The following CNTN5 variants were observed in gnomAD, a reference collection of about 807,000 sequenced individuals.
CNTN5 encodes contactin 5.
CNTN5 carries 77 observed loss-of-function variants against 129.1 expected under a neutral mutation model. The observed-to-expected ratio is 0.60, with a 90% confidence interval of 0.50 to 0.72. The LOEUF (loss-of-function observed/expected upper bound fraction) is 0.72, where lower values mean the gene tolerates loss of function less well. Ranked by LOEUF, CNTN5 falls within the 30% of genes least tolerant of loss-of-function variation. The pLI, the probability that CNTN5 is intolerant of heterozygous loss-of-function variation, is 0.00. For synonymous variants in CNTN5, 509 were observed against 465.6 expected, an observed-to-expected ratio of 1.09 and a Z score of -1.20; for missense variants, 1,478 against 1,328.8, an observed-to-expected ratio of 1.11 and a Z score of -1.75.
chr11:99,218,505 A>T (rs550567238), intron 1 of CNTN5, among the ~76,000 whole-genome samples: 1 of 152,256 alleles, frequency 6.6e-6, no homozygotes, highest in East Asian at 1.9e-4. Context: ...AAACGAGGAC[A>T]CTTTAGAATG....
chr11:99,382,795 A>G (rs1003463259), intron 2 of CNTN5, among the ~76,000 whole-genome samples: 1 of 147,350 alleles, frequency 6.8e-6, no homozygotes, highest in African/African-American at 2.5e-5. Context: ...TCATTCGCAC[A>G]CAAGTCAGAG....
intron 2 of CNTN5, among the ~76,000 whole-genome samples, chr11:99,524,007 CT>C (rs1947390922): frequency 6.6e-6 from 1 of 151,898 alleles, no homozygotes; most frequent in African/African-American, 2.4e-5. Context: ...GAAGGACTTT[CT>C]TTTTTTTCTG....
rs139918622 is a variant in CNTN5, at chr11:100,284,739, T to C, written c.2315-12886T>C. On this transcript the variant is annotated intron_variant, in intron 18 of 24. Coordinates refer to ENST00000524871, the MANE Select transcript of CNTN5 (RefSeq NM_014361.4). ...ATTCAGAAAGGTCTGATCTTCTCTG[T>C]AGTATAAAATTTCAATTATCTTCAA... Among the ~76,000 whole-genome samples, 128 of 152,332 alleles carry C rather than the reference T, an allele frequency of 8.4e-4. 1 individual carries two copies. The highest frequency in any genetic ancestry group is 1.4e-3 in the Non-Finnish European group (98 of 68,030).
chr11:100,209,832 T>C (rs2138582144), intron 15 of CNTN5, among the ~76,000 whole-genome samples: 1 of 152,304 alleles, frequency 6.6e-6, no homozygotes, highest in Admixed American at 6.5e-5. Flanking sequence ...AATGAATTCA[T>C]AGGCTCTTTT....
intron 9 of CNTN5, among the ~76,000 whole-genome samples, chr11:100,042,393 C>A (rs1317781806): frequency 6.6e-6 from 1 of 151,758 alleles, no homozygotes; most frequent in African/African-American, 2.4e-5. Flanking sequence ...TTGTGCAAGT[C>A]ACAAAGGAGC....
At chr11:100,329,769 A>G (rs915016482) in intron 21 of CNTN5, among the ~76,000 whole-genome samples, 1 of 152,230 alleles carries the variant, frequency 6.6e-6, no homozygotes, top group Non-Finnish European at 1.5e-5. Context: ...ATTGCTAGGG[A>G]AAGGGAGAGA....
chr11:100,210,296 G>C (rs561337480), intron 15 of CNTN5, among the ~76,000 whole-genome samples: 16 of 143,888 alleles, frequency 1.1e-4, no homozygotes, highest in African/African-American at 4.1e-4. Flanking sequence ...GTTGCCGTGA[G>C]CCAAGAACCT....
At chr11:99,285,899 G>A (rs1419213468) in intron 1 of CNTN5, among the ~76,000 whole-genome samples, 1 of 151,918 alleles carries the variant, frequency 6.6e-6, no homozygotes, top group East Asian at 1.9e-4. Context: ...TTAGCCAGGT[G>A]TGGTGGTGGG....
chr11:100,329,872 G>A (rs1951868731), intron 21 of CNTN5, among the ~76,000 whole-genome samples: 1 of 152,126 alleles, frequency 6.6e-6, no homozygotes, highest in South Asian at 2.1e-4. Context: ...CTACCCAAAT[G>A]AGAAAGACCC....
rs1023345004 is a variant in CNTN5, at chr11:99,082,006, A to G, written c.-210+60736A>G. On this transcript the variant is annotated intron_variant, in intron 1 of 24. Transcript: ENST00000524871. ...TAATGAACTAACTACAACATAAAAGAGAAACAAATGTTTGCAATTCTAAAC... is the reference window on the plus strand; with the variant it reads ...TAATGAACTAACTACAACATAAAAGGGAAACAAATGTTTGCAATTCTAAAC... Among the ~76,000 whole-genome samples the G allele has an allele frequency of 4.9e-5, 7 of 143,608 alleles. No homozygotes were observed. In the South Asian group the frequency reaches 1.4e-3, roughly 29 times the overall value. The allele number at this position is 143,608 out of a possible 152,430, so 94.2% of individuals were successfully genotyped here. A position where few individuals can be genotyped will look rare whatever the true frequency, so the allele number is the denominator to read the frequency against.
intron 2 of CNTN5, among the ~76,000 whole-genome samples, chr11:99,440,966 C>A (rs1943805027): frequency 6.6e-6 from 1 of 152,088 alleles, no homozygotes; most frequent in South Asian, 2.1e-4. Flanking sequence ...TAAGACAATA[C>A]TTTGGTTTTT....
chr11:100,308,092 C>T (rs979316901), intron 20 of CNTN5, among the ~76,000 whole-genome samples: 1 of 151,662 alleles, frequency 6.6e-6, no homozygotes, highest in Non-Finnish European at 1.5e-5. Context: ...ATTTAAGTTC[C>T]CCAGAAATGT....
At chr11:99,911,572 C>T (rs940177655) in intron 6 of CNTN5, among the ~76,000 whole-genome samples, 7 of 151,854 alleles carry the variant, frequency 4.6e-5, no homozygotes, top group Non-Finnish European at 8.8e-5. Context: ...AGATCAGTGT[C>T]CAGAATCTCT....
At chr11:99,886,920 G>C (rs371170305) in intron 6 of CNTN5, among the ~76,000 whole-genome samples, 1 of 151,972 alleles carries the variant, frequency 6.6e-6, no homozygotes, top group South Asian at 2.1e-4. Context: ...ATCTATAAGC[G>C]CTTATCTCAA....
intron 3 of CNTN5, among the ~76,000 whole-genome samples, chr11:99,583,010 T>C (rs2726360): frequency 0.91 from 138,488 of 152,286 alleles, 63,132 homozygotes; most frequent in East Asian, 1. Context: ...TTGGTGTGGA[T>C]GTCCTCTCTG....
chr11:99,579,024 G>A (rs560181887), intron 3 of CNTN5, among the ~76,000 whole-genome samples: 6,542 of 151,914 alleles, frequency 0.043, 175 homozygotes, highest in South Asian at 0.087. Flanking sequence ...GTAAGGAAGG[G>A]ATCCAGTTTC....
chr11:99,463,452 A>AAAAC lies in CNTN5; in HGVS notation c.-70-92690_-70-92689insCAAA, dbSNP rs1233693841. Among the ~76,000 whole-genome samples, 1,102 of 150,834 alleles carry AAAAC rather than the reference A, an allele frequency of 7.3e-3. 58 individuals are homozygous for AAAAC. Among genetic ancestry groups the AAAAC allele is most frequent in the African/African-American group, 0.025 (1,023 of 41,040 alleles). ...GACTCTGTCTCAAAAAGAAAAAAAA[A>AAAAC]AAAAAAACAATAGAAGAATGAATGA... On this transcript the variant is annotated intron_variant, in intron 2 of 24. Coordinates refer to ENST00000524871, the MANE Select transcript of CNTN5 (RefSeq NM_014361.4).
intron 3 of CNTN5, among the ~76,000 whole-genome samples, chr11:99,704,057 A>ATGTG (rs35620598): frequency 1.3e-4 from 19 of 148,118 alleles, no homozygotes; most frequent in African/African-American, 4.6e-4. Context: ...ATATATATAT[A>ATGTG]TGTGTGTGTG....
At chr11:100,242,326 C>CA (rs1949758922) in intron 16 of CNTN5, among the ~76,000 whole-genome samples, 1 of 152,096 alleles carries the variant, frequency 6.6e-6, no homozygotes, top group Non-Finnish European at 1.5e-5. Context: ...ATTTTCACCA[C>CA]TTTTTTTTCT....
Sources: gnomAD v4.1 joint callset for allele counts (sites outside exome capture counted in the v4.1 genomes callset) on GRCh38, gnomAD v4.1.1 for gene constraint, MANE v1.5 for transcripts, NCBI Gene and HGNC (gene_info 2026-07-23, HGNC 2026-07-21) for gene names.